The following MAST4 variants were observed in gnomAD, a reference collection of about 807,000 sequenced individuals.
MAST4 encodes the protein microtubule associated serine/threonine kinase family member 4, also known as microtubule-associated serine/threonine-protein kinase 4.
Under a neutral mutation model 162.7 loss-of-function variants are expected in MAST4, and 89 were observed. That is an observed-to-expected ratio of 0.55 (90% CI 0.46 to 0.65). The LOEUF (loss-of-function observed/expected upper bound fraction) is 0.65, where lower values mean the gene tolerates loss of function less well. Ranked by LOEUF, MAST4 falls within the 30% of genes least tolerant of loss-of-function variation. The pLI is 0.00. For missense variants in MAST4, 3,153 were observed against 3,374.0 expected (o/e 0.93, Z 1.62); for synonymous variants, 1,479 against 1,361.1 (o/e 1.09, Z -1.91).
At chr5:66,896,839 T>A (rs1347043386) in intron 3 of MAST4, among the ~76,000 whole-genome samples, 1 of 152,228 alleles carries the variant, frequency 6.6e-6, no homozygotes, top group African/African-American at 2.4e-5. Context: ...AGACTCTCCA[T>A]GAGTTTTCTT....
chr5:67,160,014 A>G (rs2151109600), intron 26 of MAST4, among the ~76,000 whole-genome samples: 1 of 152,372 alleles, frequency 6.6e-6, no homozygotes, highest in South Asian at 2.1e-4. Context: ...GCCACTGGGA[A>G]CATTAATACT....
chr5:67,078,120 A>C (rs1176993996), intron 5 of MAST4, among the ~76,000 whole-genome samples: 1 of 152,054 alleles, frequency 6.6e-6, no homozygotes, highest in Non-Finnish European at 1.5e-5. Flanking sequence ...TAAATAAATA[A>C]CTAGAAAAAA....
At chr5:66,979,259 A>G (rs1309629908) in intron 4 of MAST4, among the ~76,000 whole-genome samples, 1 of 152,180 alleles carries the variant, frequency 6.6e-6, no homozygotes, top group African/African-American at 2.4e-5. Context: ...TATAATGTAG[A>G]TGAAGGTGTA....
At chr5:66,682,589 G>A (rs1252511502) in intron 1 of MAST4, among the ~76,000 whole-genome samples, 1 of 152,186 alleles carries the variant, frequency 6.6e-6, no homozygotes, top group African/African-American at 2.4e-5. Flanking sequence ...GTTAGATAAT[G>A]CATAAAAGCA....
chr5:66,891,199 A>G (rs905011371), intron 3 of MAST4, among the ~76,000 whole-genome samples: 2 of 152,130 alleles, frequency 1.3e-5, no homozygotes, highest in African/African-American at 4.8e-5. Flanking sequence ...GCTTTTAGAC[A>G]GTCTTTTCTC....
intron 3 of MAST4, among the ~76,000 whole-genome samples, chr5:66,823,999 T>C (rs1757120157): frequency 6.6e-6 from 1 of 152,178 alleles, no homozygotes; most frequent in Non-Finnish European, 1.5e-5. Context: ...ATACAACATA[T>C]TCATTGGCCA....
Position 66,902,769 on chromosome 5 carries a change from A to T in MAST4, c.674+2787A>T, listed in dbSNP as rs774365504. On this transcript the variant is annotated intron_variant, in intron 4 of 28. Transcript: ENST00000403625. ...CAGATCACTTTTCCAGAGGCATTCC[A>T]GCTTCCTAGACAGCTGGATTTTAGC... 22 of 455,726 alleles carry T rather than the reference A, an allele frequency of 4.8e-5. 1 individual carries two copies. The highest frequency in any genetic ancestry group is 4.3e-4 in the African/African-American group (21 of 48,958). The allele number at this position is 455,726 out of a possible 1,614,324, so 28.2% of individuals were successfully genotyped here. A position where few individuals can be genotyped will look rare whatever the true frequency, so the allele number is the denominator to read the frequency against.
intron 1 of MAST4, among the ~76,000 whole-genome samples, chr5:66,663,679 G>A (rs989748046): frequency 6.6e-6 from 1 of 152,190 alleles, no homozygotes; most frequent in Non-Finnish European, 1.5e-5. Context: ...CTGGAATAGA[G>A]TGGGCAAGGG....
At chr5:66,854,470 A>G (rs776326509) in intron 3 of MAST4, among the ~76,000 whole-genome samples, 1 of 152,148 alleles carries the variant, frequency 6.6e-6, no homozygotes, top group Admixed American at 6.5e-5. Context: ...ATATCAAGGT[A>G]TCGGCTGGGG....
At chr5:66,938,226 G>A (rs914441476) in intron 4 of MAST4, among the ~76,000 whole-genome samples, 6 of 151,874 alleles carry the variant, frequency 4.0e-5, no homozygotes, top group African/African-American at 1.4e-4. Context: ...TTCTTATAAT[G>A]CTTTTACTGC....
intron 4 of MAST4, among the ~76,000 whole-genome samples, chr5:67,046,019 A>T (rs1047182645): frequency 1.3e-5 from 2 of 151,946 alleles, no homozygotes; most frequent in Non-Finnish European, 2.9e-5. Flanking sequence ...GCTCTGAGCT[A>T]TTTTTCTTTT....
rs777028372 is a variant in MAST4 at position 67,166,569 on chromosome 5, A to G, written c.7390A>G (p.Ser2464Gly). The change falls in exon 29 of 29, where the codon AGC becomes GGC. Residue 2464 changes from serine to glycine, a missense_variant. Transcript: ENST00000403625. ...LPEKSLSCSS[S>G]FPETRAGVRE... The stretch of plus-strand genomic sequence containing the variant: ...GGAAAAGTCTCTGAGCTGCTCCTCC[A>G]GCTTCCCTGAAACCAGGGCCGGAGT... 7.8e-5 allele frequency: 126 copies of G among 1,605,732 alleles called. No homozygotes were observed. Among genetic ancestry groups the G allele is most frequent in the Admixed American group, 2.7e-4 (16 of 58,886 alleles).
At chr5:67,131,976 T>C in intron 16 of MAST4, 25 bp downstream of exon 16, 1 of 1,602,672 alleles carries the variant, frequency 6.2e-7, no homozygotes, top group Non-Finnish European at 8.5e-7. Flanking sequence ...GAAATATATG[T>C]CTTCTTTTGC....
chr5:67,134,773 A>G, intron 18 of MAST4, 85 bp downstream of exon 18: 1 of 1,112,806 alleles, frequency 9.0e-7, no homozygotes, highest in East Asian at 2.5e-5. Flanking sequence ...AGTTTTTACT[A>G]CTAAAATGTT....
chr5:66,624,503 C>G (rs901527878), intron 1 of MAST4, among the ~76,000 whole-genome samples: 1 of 151,256 alleles, frequency 6.6e-6, no homozygotes, highest in Non-Finnish European at 1.5e-5. Context: ...TAATTCCTAT[C>G]AAACTCTCAA....
At chr5:66,698,773 C>T (rs1749575011) in intron 1 of MAST4, among the ~76,000 whole-genome samples, 1 of 152,150 alleles carries the variant, frequency 6.6e-6, no homozygotes, top group Admixed American at 6.5e-5. Flanking sequence ...CCCTTAGACC[C>T]CCAAGATGTG....
At chr5:67,056,745 G>A (rs1758873797) in intron 5 of MAST4, among the ~76,000 whole-genome samples, 1 of 152,178 alleles carries the variant, frequency 6.6e-6, no homozygotes, top group African/African-American at 2.4e-5. Flanking sequence ...TGCCCAGGCT[G>A]GAGTGCAGAG....
chr5:66,617,184 G>C (rs1743750163), intron 1 of MAST4, among the ~76,000 whole-genome samples: 1 of 152,142 alleles, frequency 6.6e-6, no homozygotes, highest in South Asian at 2.1e-4. Flanking sequence ...TGGGTTTTCT[G>C]ATGCCATTAA....
intron 1 of MAST4, among the ~76,000 whole-genome samples, chr5:66,637,147 A>G (rs910353710): frequency 6.6e-5 from 10 of 152,124 alleles, no homozygotes; most frequent in Admixed American, 5.2e-4. Flanking sequence ...ATTTTTCCAT[A>G]TTAGAAAAGC....
Sources: gnomAD v4.1 joint callset for allele counts (sites outside exome capture counted in the v4.1 genomes callset) on GRCh38, gnomAD v4.1.1 for gene constraint, MANE v1.5 for transcripts, NCBI Gene and HGNC (gene_info 2026-07-23, HGNC 2026-07-21) for gene names.